The following LURAP1L variants were observed in gnomAD, a reference collection of about 807,000 sequenced individuals.
LURAP1L encodes leucine rich adaptor protein 1-like.
A neutral mutation model predicts 13.8 loss-of-function variants in LURAP1L; 12 were observed. The observed-to-expected ratio is 0.87, with a 90% CI of 0.56 to 1.41. The LOEUF (loss-of-function observed/expected upper bound fraction) is 1.41, where lower values mean the gene tolerates loss of function less well. LURAP1L is among the 40% of genes most tolerant of loss of function. LURAP1L has a pLI of 0.00. For synonymous variants in LURAP1L, 139 were observed against 119.2 expected (o/e 1.17, Z -1.08); for missense variants, 375 against 292.9 (o/e 1.28, Z -2.04).
intron 1 of LURAP1L, among the ~76,000 whole-genome samples, chr9:12,815,230 G>C (rs1203030775): frequency 1.3e-5 from 2 of 152,198 alleles, no homozygotes; most frequent in Admixed American, 6.5e-5. Context: ...AATTTGGAGA[G>C]AGGGCAAATT....
At chr9:12,776,190 G>A (rs995700561) in intron 1 of LURAP1L, among the ~76,000 whole-genome samples, 163 bp downstream of exon 1, 2 of 152,164 alleles carry the variant, frequency 1.3e-5, no homozygotes, top group African/African-American at 2.4e-5. Flanking sequence ...CGCTCATCCG[G>A]AGGCAGCTGC....
intron 1 of LURAP1L, among the ~76,000 whole-genome samples, chr9:12,804,919 T>C (rs1819635680): frequency 6.6e-6 from 1 of 152,120 alleles, no homozygotes; most frequent in South Asian, 2.1e-4. Context: ...TGTAAATACT[T>C]TTATTGGAAC....
At chr9:12,815,627 A>ATGG (rs1819794605) in intron 1 of LURAP1L, among the ~76,000 whole-genome samples, 1 of 152,158 alleles carries the variant, frequency 6.6e-6, no homozygotes, top group Admixed American at 6.5e-5. Flanking sequence ...ATACAAATGT[A>ATGG]TAACTAGGAG....
At chr9:12,778,793 G>A (rs1819227128) in intron 1 of LURAP1L, among the ~76,000 whole-genome samples, 1 of 152,194 alleles carries the variant, frequency 6.6e-6, no homozygotes, top group African/African-American at 2.4e-5. Flanking sequence ...GATTGAAGTA[G>A]CATGTATGAA....
chr9:12,780,643 C>T (rs35356562), intron 1 of LURAP1L, among the ~76,000 whole-genome samples: 9,073 of 152,108 alleles, frequency 0.06, 355 homozygotes, highest in Admixed American at 0.083. Context: ...ATATGCACTA[C>T]GAAATGTGCC....
intron 1 of LURAP1L, among the ~76,000 whole-genome samples, chr9:12,776,858 A>C (rs773384729): frequency 2.6e-4 from 40 of 152,160 alleles, no homozygotes; most frequent in Non-Finnish European, 5.6e-4. Flanking sequence ...AGACTAAGAC[A>C]CTATTTACTT....
chr9:12,784,283 A>G (rs537611424), intron 1 of LURAP1L, among the ~76,000 whole-genome samples: 101 of 152,230 alleles, frequency 6.6e-4, no homozygotes, highest in African/African-American at 2.3e-3. Flanking sequence ...GGTGTTGACA[A>G]GTGAGGTATT....
chr9:12,788,869 C>T (rs563680007), intron 1 of LURAP1L, among the ~76,000 whole-genome samples: 3 of 151,024 alleles, frequency 2.0e-5, no homozygotes, highest in African/African-American at 7.3e-5. Context: ...CAAGACCAGC[C>T]TGGGCAACAA....
At chr9:12,811,587 A>T (rs991656730) in intron 1 of LURAP1L, among the ~76,000 whole-genome samples, 2 of 152,114 alleles carry the variant, frequency 1.3e-5, no homozygotes, top group African/African-American at 4.8e-5. Flanking sequence ...TGTTCCTTTT[A>T]TTCAAACTAC....
Position 12,775,653 on chromosome 9 carries a change from C to T in LURAP1L, c.-63C>T. On this transcript the variant is annotated 5_prime_UTR_variant, in exon 1 of 2. Coordinates refer to ENST00000319264, the MANE Select transcript of LURAP1L (RefSeq NM_203403.2). ...GGTCTGCTGATTTCGCAGCAGCCTT[C>T]GAAGCCGTGGCTGCCTTTCATCTGC... is the stretch of plus-strand genomic sequence containing the variant. 1 of 1,517,510 alleles carries T rather than the reference C, an allele frequency of 6.6e-7. No individual in the cohort carries two copies. The highest frequency in any genetic ancestry group is 1.3e-5 in the South Asian group (1 of 74,650). The allele number at this position is 1,517,510 out of a possible 1,614,324, so 94.0% of individuals were successfully genotyped here. A position where few individuals can be genotyped will look rare whatever the true frequency, so the allele number is the denominator to read the frequency against.
chr9:12,802,393 T>A (rs1819599390), intron 1 of LURAP1L, among the ~76,000 whole-genome samples: 1 of 152,102 alleles, frequency 6.6e-6, no homozygotes. Context: ...GTCATTGGAT[T>A]AGTGAGTTCT....
At chr9:12,797,310 A>C (rs1819522951) in intron 1 of LURAP1L, among the ~76,000 whole-genome samples, 1 of 152,092 alleles carries the variant, frequency 6.6e-6, no homozygotes, top group Admixed American at 6.6e-5. Context: ...CCAGCCTAGA[A>C]AGATACTACT....
At chr9:12,781,331 T>C (rs1462480970) in intron 1 of LURAP1L, among the ~76,000 whole-genome samples, 2 of 152,190 alleles carry the variant, frequency 1.3e-5, no homozygotes, top group Non-Finnish European at 2.9e-5. Context: ...CCTGTTGTAC[T>C]ACCAAACGTT....
At chr9:12,812,545 A>G (rs891836921) in intron 1 of LURAP1L, among the ~76,000 whole-genome samples, 5 of 152,192 alleles carry the variant, frequency 3.3e-5, no homozygotes, top group African/African-American at 7.2e-5. Context: ...CTAAAGCACT[A>G]CTGGGCTGCA....
At chr9:12,794,627 CTT>C (rs1038831540) in intron 1 of LURAP1L, among the ~76,000 whole-genome samples, 41 of 152,114 alleles carry the variant, frequency 2.7e-4, no homozygotes, top group African/African-American at 9.9e-4. Flanking sequence ...AGCCAAAAAT[CTT>C]GTTTGCTACA....
chr9:12,810,517 A>G (rs1015973338), intron 1 of LURAP1L, among the ~76,000 whole-genome samples: 1 of 152,184 alleles, frequency 6.6e-6, no homozygotes, highest in African/African-American at 2.4e-5. Context: ...CCCTTCACAT[A>G]TCAGACTGGA....
Position 12,820,513 on chromosome 9 carries a change from C to CAA in LURAP1L, c.313-873_313-872insAA, listed in dbSNP as rs1563900871. Among the ~76,000 whole-genome samples, 393 of 65,002 alleles carry CAA rather than the reference C, an allele frequency of 6.0e-3. 13 individuals are homozygous for CAA. The highest frequency in any genetic ancestry group is 0.028 in the African/African-American group (366 of 13,302). The allele number at this position is 65,002 out of a possible 152,430, so 42.6% of individuals were successfully genotyped here. ...TCGAGACTCCGTCCCCCCCCCCCCC[C>CAA]CAAAAAAAAAAAAGGACCACACACC... is the stretch of plus-strand genomic sequence containing the variant. On this transcript the variant is annotated intron_variant, in intron 1 of 1. Coordinates refer to ENST00000319264, the MANE Select transcript of LURAP1L (RefSeq NM_203403.2).
chr9:12,780,060 A>G (rs1819248280), intron 1 of LURAP1L, among the ~76,000 whole-genome samples: 1 of 152,196 alleles, frequency 6.6e-6, no homozygotes. Flanking sequence ...GCTCAATAAT[A>G]TTCATGATGT....
intron 1 of LURAP1L, among the ~76,000 whole-genome samples, chr9:12,786,547 CATAT>C (rs67654649): frequency 0.011 from 582 of 53,018 alleles, 11 homozygotes; most frequent in South Asian, 0.025. Flanking sequence ...ATATATATGA[CATAT>C]ATATATATAT....
Sources: gnomAD v4.1 joint callset for allele counts (sites outside exome capture counted in the v4.1 genomes callset) on GRCh38, gnomAD v4.1.1 for gene constraint, MANE v1.5 for transcripts, NCBI Gene and HGNC (gene_info 2026-07-23, HGNC 2026-07-21) for gene names.